Variants in SCAF4 observed in about 807,000 individuals in gnomAD.
SCAF4 encodes SR-related and CTD-associated factor 4.
SCAF4 carries 25 observed loss-of-function variants against 129.8 expected under a neutral mutation model. The observed-to-expected ratio is 0.19, with a 90% CI of 0.14 to 0.27. The LOEUF is 0.27. Among genes scored for constraint, SCAF4 ranks in the 10% least tolerant of loss-of-function variants. The probability of loss-of-function intolerance (pLI) is 1.00; values close to 1 mark genes in which losing one functional copy is unlikely to be tolerated. For synonymous variants in SCAF4, 551 were observed against 497.7 expected, an observed-to-expected ratio of 1.11 and a Z score of -1.43; for missense variants, 1,246 against 1,457.1, an observed-to-expected ratio of 0.86 and a Z score of 2.36.
intron 1 of SCAF4, among the ~76,000 whole-genome samples, chr21:31,730,791 G>A (rs1002303945): frequency 1.3e-5 from 2 of 152,216 alleles, no homozygotes; most frequent in African/African-American, 4.8e-5. Context: ...AATGATCAGA[G>A]AAACAACTAG....
At chr21:31,687,273 G>A (rs867763240) in intron 16 of SCAF4, among the ~76,000 whole-genome samples, 4 of 151,910 alleles carry the variant, frequency 2.6e-5, no homozygotes, top group African/African-American at 4.8e-5. Context: ...TTCATTTTTC[G>A]GCCCTTATGA....
In SCAF4 at chr21:31,715,479, TA is replaced by T. The variant is rs931800913; in HGVS notation, c.31-9123del. On this transcript the variant is annotated intron_variant, in intron 1 of 19. Coordinates refer to ENST00000286835, the MANE Select transcript of SCAF4 (RefSeq NM_020706.2). Reference sequence around the variant, plus strand: ...GGAGAAGGGGGCATTATTTATTACCTAAAAAAAATAGGGCTTAATTCATTAA... The same window carrying T: ...GGAGAAGGGGGCATTATTTATTACCTAAAAAAATAGGGCTTAATTCATTAA... 5.9e-5 allele frequency among the ~76,000 whole-genome samples: 9 copies of T among 151,968 alleles called. No homozygotes were observed. In the South Asian group the frequency reaches 8.3e-4, roughly 14 times the overall value.
chr21:31,702,079 G>C (rs2050546285), intron 5 of SCAF4, among the ~76,000 whole-genome samples, 161 bp from the exon 6 acceptor site: 1 of 152,172 alleles, frequency 6.6e-6, no homozygotes, highest in Non-Finnish European at 1.5e-5. Flanking sequence ...CAGAAGAGCA[G>C]ACCTTTATTA....
chr21:31,692,390 C>T lies in SCAF4; in HGVS notation c.1573G>A (p.Ala525Thr). 1 of 1,614,040 alleles carries T rather than the reference C, an allele frequency of 6.2e-7. No individual in the cohort carries two copies. Among genetic ancestry groups the T allele is most frequent in the Non-Finnish European group, 8.5e-7 (1 of 1,179,960 alleles). Residue 525 changes from alanine to threonine, a missense_variant, in exon 13 of 20, where the codon GCC becomes ACC. Ala to Thr is a moderately conservative substitution (Grantham distance 58, BLOSUM62 0). Transcript: ENST00000286835. ...LDKRTTQQDV[A>T]SLLEEFGPIE... ...GGACCAAACTCTTCCAAGAGACTGG[C>T]AACATCCTGCTGAGTAGTTCTTTTG...
At chr21:31,710,980 T>C (rs1306183451) in intron 1 of SCAF4, among the ~76,000 whole-genome samples, 2 of 152,220 alleles carry the variant, frequency 1.3e-5, no homozygotes, top group East Asian at 3.9e-4. Context: ...ACTTATATCT[T>C]ATTTGTTAGC....
In SCAF4 at chr21:31,702,389, A is replaced by G; in HGVS notation, c.322-10T>C. 1.9e-6 allele frequency: 3 copies of G among 1,611,680 alleles called. No individual in the cohort carries two copies. The highest frequency in any genetic ancestry group is 2.5e-6 in the Non-Finnish European group (3 of 1,178,752). ...CACGAACTATTTTACTCTGTTACGCATGAGAAACACAAATATACAATAAAT... is the reference window on the plus strand; with the variant it reads ...CACGAACTATTTTACTCTGTTACGCGTGAGAAACACAAATATACAATAAAT... On this transcript the variant is annotated splice_polypyrimidine_tract_variant and intron_variant, in intron 4 of 19. Transcript: ENST00000286835.
Position 31,671,695 on chromosome 21 carries a change from T to C in SCAF4, c.3148A>G (p.Asn1050Asp), listed in dbSNP as rs2049700949. 2 of 1,613,920 alleles carry C rather than the reference T, an allele frequency of 1.2e-6. No individual in the cohort carries two copies. The highest frequency in any genetic ancestry group is 1.3e-5 in the African/African-American group (1 of 74,904). ...RDRHRDLEER[N>D]RRSSGHRDRE... ...TCTCGATGCCCACTAGAGCGTCTAT[T>C]TCTCTCTTCCAAGTCTCTGTGCCTG... The change falls in exon 20 of 20, where the codon AAT becomes GAT. Residue 1050 changes from asparagine to aspartate, a missense_variant. Transcript: ENST00000286835.
intron 12 of SCAF4, among the ~76,000 whole-genome samples, chr21:31,692,821 C>T (rs1312322810): frequency 6.6e-6 from 1 of 152,204 alleles, no homozygotes; most frequent in Non-Finnish European, 1.5e-5. Context: ...GTGCTTTGTT[C>T]ACTTGCATGT....
At chr21:31,684,883 C>T in intron 19 of SCAF4, 166 bp downstream of exon 19, 1 of 584,544 alleles carries the variant, frequency 1.7e-6, no homozygotes, top group East Asian at 2.9e-5. Context: ...AGAGGAAGAT[C>T]TTCCTCAAAA....
intron 4 of SCAF4, 28 bp from the exon 5 acceptor site, chr21:31,702,407 CA>C (rs2050555379): frequency 1.3e-6 from 2 of 1,593,356 alleles, no homozygotes; most frequent in Non-Finnish European, 1.7e-6. Context: ...CACAAATATA[CA>C]ATAAATATTT....
intron 19 of SCAF4, among the ~76,000 whole-genome samples, chr21:31,679,245 A>G (rs537983030): frequency 3.3e-5 from 5 of 152,304 alleles, no homozygotes; most frequent in African/African-American, 9.6e-5. Context: ...CTTTGCATGA[A>G]CTAAACATGA....
intron 7 of SCAF4, among the ~76,000 whole-genome samples, chr21:31,697,519 A>G (rs1483325594): frequency 6.6e-6 from 1 of 152,222 alleles, no homozygotes; most frequent in Non-Finnish European, 1.5e-5. Flanking sequence ...ATTAAGAAAC[A>G]TGATTAAGAT....
chr21:31,671,389 A>T lies in SCAF4; in HGVS notation c.*10T>A. On this transcript the variant is annotated 3_prime_UTR_variant, in exon 20 of 20. Coordinates refer to ENST00000286835, the MANE Select transcript of SCAF4 (RefSeq NM_020706.2). ...AAGTGTCACTGTCACATTTTCACAA[A>T]TTCCAGTCTCTAACGAGGAGCCTCT... The T allele has an allele frequency of 6.2e-7, 1 of 1,609,694 alleles. No homozygotes were observed. The highest frequency in any genetic ancestry group is 8.5e-7 in the Non-Finnish European group (1 of 1,177,604).
intron 16 of SCAF4, 115 bp from the exon 17 acceptor site, chr21:31,685,848 A>G: frequency 1.9e-5 from 18 of 949,952 alleles, no homozygotes; most frequent in Non-Finnish European, 2.8e-5. Context: ...ATTTGTGCTT[A>G]TTAGACCAAT....
chr21:31,717,842 T>TATACAC lies in SCAF4; in HGVS notation c.31-11486_31-11485insGTGTAT, dbSNP rs547466352. On this transcript the variant is annotated intron_variant, in intron 1 of 19. Coordinates refer to ENST00000286835, the MANE Select transcript of SCAF4 (RefSeq NM_020706.2). ...AACTGCTGCCATATATATATATATA[T>TATACAC]ACACACACACACACACACACACACA... Among the ~76,000 whole-genome samples, 97 of 114,382 alleles carry TATACAC rather than the reference T, an allele frequency of 8.5e-4. 1 individual carries two copies. Among genetic ancestry groups the TATACAC allele is most frequent in the Middle Eastern group, 9.3e-3 (2 of 214 alleles). The allele number at this position is 114,382 out of a possible 152,430, so 75.0% of individuals were successfully genotyped here.
chr21:31,724,018 C>T (rs2051142625), intron 1 of SCAF4, among the ~76,000 whole-genome samples: 1 of 152,178 alleles, frequency 6.6e-6, no homozygotes, highest in African/African-American at 2.4e-5. Flanking sequence ...TGGTACAGTG[C>T]ACTTTACTGG....
At chr21:31,716,376 G>T (rs1369788683) in intron 1 of SCAF4, among the ~76,000 whole-genome samples, 1 of 151,984 alleles carries the variant, frequency 6.6e-6, no homozygotes, top group Non-Finnish European at 1.5e-5. Context: ...TTTCCTAAAA[G>T]AAATACATAT....
At chr21:31,717,318 A>G (rs370539429) in intron 1 of SCAF4, among the ~76,000 whole-genome samples, 1 of 152,314 alleles carries the variant, frequency 6.6e-6, no homozygotes, top group East Asian at 1.9e-4. Flanking sequence ...TCATGCTATT[A>G]AAAAGATCTG....
chr21:31,672,284 C>T lies in SCAF4; in HGVS notation c.2559G>A (p.Arg853=), dbSNP rs1190445261. 1.2e-6 allele frequency: 2 copies of T among 1,613,818 alleles called. No individual in the cohort carries two copies. The highest frequency in any genetic ancestry group is 1.7e-6 in the Non-Finnish European group (2 of 1,180,004). Residue 853 remains arginine (R), a synonymous_variant, in exon 20 of 20, where the codon CGG becomes CGA. Coordinates refer to ENST00000286835, the MANE Select transcript of SCAF4 (RefSeq NM_020706.2). ...QAPSTGLLGA[R]PGLIPLQRPP... Reference sequence around the variant, plus strand: ...GGCGCTGGAGTGGGATGAGACCGGGCCGGGCGCCAAGAAGACCAGTAGATG... The same window carrying T: ...GGCGCTGGAGTGGGATGAGACCGGGTCGGGCGCCAAGAAGACCAGTAGATG...
Sources: gnomAD v4.1 joint callset for allele counts (sites outside exome capture counted in the v4.1 genomes callset) on GRCh38, gnomAD v4.1.1 for gene constraint, MANE v1.5 for transcripts, NCBI Gene and HGNC (gene_info 2026-07-23, HGNC 2026-07-21) for gene names.